Variants in OPN5 observed in about 807,000 individuals in gnomAD.
OPN5 encodes the protein opsin 5, also known as opsin-5.
OPN5 carries 18 observed loss-of-function variants against 41.7 expected under a neutral mutation model. That is an observed-to-expected ratio of 0.43 (90% CI 0.30 to 0.64). OPN5 has a LOEUF of 0.64. Ranked by LOEUF, OPN5 falls within the 30% of genes least tolerant of loss-of-function variation. OPN5 has a pLI of 0.13. For missense variants in OPN5, 318 were observed against 434.5 expected (o/e 0.73, Z 2.38); for synonymous variants, 178 against 164.3 (o/e 1.08, Z -0.64).
At chr6:47,787,142 T>C in intron 2 of OPN5, 11 of 982,436 alleles carry the variant, frequency 1.1e-5, no homozygotes, top group Non-Finnish European at 1.3e-5. Flanking sequence ...AATCATGACT[T>C]AGTGACATAT....
intron 1 of OPN5, among the ~76,000 whole-genome samples, chr6:47,785,979 G>C (rs1383671620): frequency 6.6e-6 from 1 of 152,216 alleles, no homozygotes; most frequent in African/African-American, 2.4e-5. Flanking sequence ...AAGTCCTGGG[G>C]CGTCTCTGGG....
exon 7 of OPN5, chr6:47,824,061 CT>C: frequency 7.9e-7 from 1 of 1,272,504 alleles, no homozygotes; most frequent in Non-Finnish European, 1.1e-6. Context: ...GAGAAATTAG[CT>C]TACAAATGTT....
rs6910894 is a variant in OPN5 at position 47,809,770 on chromosome 6, G to A, written c.998+1375G>A. Among the ~76,000 whole-genome samples, 589 of 152,296 alleles carry A rather than the reference G, an allele frequency of 3.9e-3. 3 individuals are homozygous for A. Among genetic ancestry groups the A allele is most frequent in the African/African-American group, 0.012 (498 of 41,560 alleles). On this transcript the variant is annotated intron_variant, in intron 5 of 6. Transcript: ENST00000371211. Reference sequence around the variant, plus strand: ...AACAGTTAAATCCAAATGCTAAAAAGCATCTCTTTCTGAAGTAATAACACT... The same window carrying A: ...AACAGTTAAATCCAAATGCTAAAAAACATCTCTTTCTGAAGTAATAACACT...
intron 3 of OPN5, among the ~76,000 whole-genome samples, chr6:47,794,047 G>A (rs1424565374): frequency 6.6e-6 from 1 of 152,140 alleles, no homozygotes; most frequent in Non-Finnish European, 1.5e-5. Flanking sequence ...CGCTAAATGA[G>A]ATACACTTAC....
intron 6 of OPN5, among the ~76,000 whole-genome samples, chr6:47,823,011 A>C (rs1173380640): frequency 6.6e-6 from 1 of 152,184 alleles, no homozygotes; most frequent in East Asian, 1.9e-4. Context: ...AAAATAGCAT[A>C]AAATCCTGCT....
chr6:47,809,339 A>G (rs1253845573), intron 5 of OPN5, among the ~76,000 whole-genome samples: 2 of 152,202 alleles, frequency 1.3e-5, no homozygotes, highest in Non-Finnish European at 2.9e-5. Flanking sequence ...AAAAAGTAGA[A>G]CTAGCTATGA....
chr6:47,822,602 T>A (rs541244711), intron 6 of OPN5, among the ~76,000 whole-genome samples: 14 of 152,284 alleles, frequency 9.2e-5, no homozygotes, highest in African/African-American at 3.1e-4. Context: ...TGGTTGGAAT[T>A]TGTATTTCTT....
At chr6:47,801,604 A>C (rs1279426749) in intron 4 of OPN5, among the ~76,000 whole-genome samples, 1 of 152,204 alleles carries the variant, frequency 6.6e-6, no homozygotes, top group East Asian at 1.9e-4. Flanking sequence ...TCTTAGCTTA[A>C]ATGTCACTTC....
intron 4 of OPN5, among the ~76,000 whole-genome samples, chr6:47,802,888 A>G (rs776434287): frequency 2.6e-5 from 4 of 152,118 alleles, no homozygotes; most frequent in Non-Finnish European, 5.9e-5. Context: ...TTGTTTATAG[A>G]GTAGCGGTAT....
At chr6:47,817,230 C>T (rs1762456918) in intron 6 of OPN5, among the ~76,000 whole-genome samples, 1 of 152,046 alleles carries the variant, frequency 6.6e-6, no homozygotes, top group East Asian at 1.9e-4. Context: ...GCCTATTTAG[C>T]TTTCATGAAA....
chr6:47,806,453 G>A (rs1773967510), intron 4 of OPN5, among the ~76,000 whole-genome samples: 1 of 152,102 alleles, frequency 6.6e-6, no homozygotes, highest in Non-Finnish European at 1.5e-5. Flanking sequence ...AATTGTACAT[G>A]GGCAGGGATG....
chr6:47,821,476 G>A (rs1212472682), intron 6 of OPN5, among the ~76,000 whole-genome samples: 1 of 152,196 alleles, frequency 6.6e-6, no homozygotes, highest in Non-Finnish European at 1.5e-5. Context: ...TCTTGGCACA[G>A]TATTATTCTG....
chr6:47,816,585 A>G (rs1384773767), intron 6 of OPN5, among the ~76,000 whole-genome samples: 2 of 152,164 alleles, frequency 1.3e-5, no homozygotes, highest in African/African-American at 4.8e-5. Flanking sequence ...AGTGTGGATT[A>G]CAACATTTTC....
intron 6 of OPN5, among the ~76,000 whole-genome samples, chr6:47,819,357 A>G (rs1433388497): frequency 2.0e-5 from 2 of 98,858 alleles, no homozygotes; most frequent in African/African-American, 7.1e-5. Flanking sequence ...ATATATAAAA[A>G]ATATATTACC....
chr6:47,824,074 T>C, exon 7 of OPN5: 1 of 1,145,530 alleles, frequency 8.7e-7, no homozygotes, highest in South Asian at 1.3e-5. Context: ...ACAAATGTTA[T>C]TTTTCTGACT....
intron 1 of OPN5, among the ~76,000 whole-genome samples, chr6:47,782,696 G>A (rs1773116637): frequency 6.6e-6 from 1 of 152,138 alleles, no homozygotes; most frequent in South Asian, 2.1e-4. Context: ...TCACCTAAAA[G>A]TAAAGTCGCA....
chr6:47,783,619 TC>T (rs1468073540), intron 1 of OPN5, among the ~76,000 whole-genome samples: 1 of 152,194 alleles, frequency 6.6e-6, no homozygotes, highest in Non-Finnish European at 1.5e-5. Context: ...AAATTCTGTT[TC>T]TTATAAATGA....
Position 47,786,641 on chromosome 6 carries a change from C to T in OPN5, c.250+7C>T. The T allele has an allele frequency of 6.2e-7, 1 of 1,612,828 alleles. No individual in the cohort carries two copies. On this transcript the variant is annotated splice_region_variant and intron_variant, in intron 2 of 6. Coordinates refer to ENST00000371211, the Ensembl canonical transcript of OPN5. ...TGTGATCTGGGGATTTCAGGTAACA[C>T]AACCATGCTGTGTTTTCTTTGTGGG...
intron 3 of OPN5, 21 bp downstream of exon 3, chr6:47,791,993 T>C (rs773136977): frequency 6.3e-7 from 1 of 1,589,792 alleles, no homozygotes; most frequent in Non-Finnish European, 8.6e-7. Context: ...AGGTTTCTCA[T>C]TCCCTGACAG....
Sources: allele counts gnomAD v4.1 joint callset (sites outside exome capture counted in the v4.1 genomes callset), GRCh38; gene constraint gnomAD v4.1.1; transcripts MANE v1.5; gene names NCBI Gene and HGNC (gene_info 2026-07-23, HGNC 2026-07-21).